TASOR: variants seen among roughly 807,000 people sequenced by gnomAD.
TASOR encodes the protein protein TASOR.
TASOR carries 53 observed loss-of-function variants against 178.6 expected under a neutral mutation model. That is an observed-to-expected ratio of 0.30 (90% CI 0.24 to 0.37). TASOR has a LOEUF of 0.37. TASOR is among the 10% of genes least tolerant of loss of function. TASOR has a pLI of 1.00. For missense variants in TASOR, 1,815 were observed against 1,971.4 expected (o/e 0.92, Z 1.50); for synonymous variants, 713 against 696.2 (o/e 1.02, Z -0.38).
Position 56,646,844 on chromosome 3 carries a change from C to T in TASOR, c.1893G>A (p.Gln631=). 6.2e-7 allele frequency: 1 copy of T among 1,607,088 alleles called. No homozygotes were observed. The highest frequency in any genetic ancestry group is 2.2e-5 in the East Asian group (1 of 44,822). Residue 631 remains glutamine, a synonymous_variant, in exon 14 of 24, where the codon CAG becomes CAA. Coordinates refer to ENST00000683822, the MANE Select transcript of TASOR (RefSeq NM_001365635.2). ...CTTCATAATCTGAAAGTGGACTAAA[C>T]TGCTGAAGTTTTCTATTTTCTTCAA... ...ELFEENRKLQ[Q]FSPLSDYEGQ...
At position 56,640,075 on chromosome 3, in the gene TASOR, A is replaced by T; in HGVS notation, c.2675T>A (p.Val892Asp). The T allele has an allele frequency of 6.2e-7, 1 of 1,613,496 alleles. No individual in the cohort carries two copies. Among genetic ancestry groups the T allele is most frequent in the Non-Finnish European group, 8.5e-7 (1 of 1,179,658 alleles). The change falls in exon 16 of 24, where the codon GTT becomes GAT. Residue 892 changes from valine (V) to aspartate (D), a missense_variant. Coordinates refer to ENST00000683822, the MANE Select transcript of TASOR (RefSeq NM_001365635.2). ...TCTACGAAATCCATGTTCAATGGGAACACTGGGACACAAACTGCAATCTTC... is the reference window on the plus strand; with the variant it reads ...TCTACGAAATCCATGTTCAATGGGATCACTGGGACACAAACTGCAATCTTC... ...NFEDCSLCPS[V>D]PIEHGFRRQQ...
intron 11 of TASOR, among the ~76,000 whole-genome samples, chr3:56,659,094 T>A (rs1450962311): frequency 1.3e-5 from 2 of 152,150 alleles, no homozygotes; most frequent in African/African-American, 4.8e-5. Context: ...AATCTGACTA[T>A]CCCATCTATA....
chr3:56,657,100 C>T (rs995017327), intron 11 of TASOR, among the ~76,000 whole-genome samples: 1 of 151,938 alleles, frequency 6.6e-6, no homozygotes, highest in Non-Finnish European at 1.5e-5. Flanking sequence ...GAGGCCAAGG[C>T]AGGCAGATCA....
intron 1 of TASOR, among the ~76,000 whole-genome samples, chr3:56,674,183 C>T (rs1388162959): frequency 7.3e-6 from 1 of 137,308 alleles, no homozygotes; most frequent in African/African-American, 2.8e-5. Flanking sequence ...CTGTTACTGA[C>T]ACACTGGTCT....
chr3:56,673,825 A>G, intron 1 of TASOR, 100 bp from the exon 2 acceptor site: 1 of 994,602 alleles, frequency 1.0e-6, no homozygotes, highest in Non-Finnish European at 1.4e-6. Flanking sequence ...AATACCATGA[A>G]AAAAGGCATC....
At position 56,641,724 on chromosome 3, in the gene TASOR, T is replaced by A. The variant is rs1242108451; in HGVS notation, c.2244A>T (p.Gly748=). The change falls in exon 15 of 24, where the codon GGA becomes GGT. Residue 748 remains glycine, a synonymous_variant. Coordinates refer to ENST00000683822, the MANE Select transcript of TASOR (RefSeq NM_001365635.2). ...GCTGCCGCCTCAAGTCAGCATCATG[T>A]CCAAGTGAGCCAATAGGCTGTGGAG... ...EESPQPIGSL[G]HDADLRRQQQ... The A allele has an allele frequency of 6.2e-7, 1 of 1,614,032 alleles. No individual in the cohort carries two copies. Among genetic ancestry groups the A allele is most frequent in the South Asian group, 1.1e-5 (1 of 91,062 alleles).
chr3:56,665,252 A>C (rs1359454485), intron 7 of TASOR, among the ~76,000 whole-genome samples: 1 of 152,196 alleles, frequency 6.6e-6, no homozygotes, highest in Non-Finnish European at 1.5e-5. Context: ...CAATGCCTTG[A>C]CTGCCCACTA....
chr3:56,651,373 C>T (rs960658161), intron 11 of TASOR, among the ~76,000 whole-genome samples: 1 of 151,938 alleles, frequency 6.6e-6, no homozygotes, highest in South Asian at 2.1e-4. Flanking sequence ...CACTCCCCCA[C>T]CCCCACAAAA....
chr3:56,664,736 A>G (rs2077670792), intron 7 of TASOR, among the ~76,000 whole-genome samples: 1 of 152,230 alleles, frequency 6.6e-6, no homozygotes, highest in Non-Finnish European at 1.5e-5. Context: ...ACATCCCTAT[A>G]AATATACTTA....
At chr3:56,647,345 C>T (rs542998176) in intron 13 of TASOR, 122 bp from the exon 14 acceptor site, 52 of 705,078 alleles carry the variant, frequency 7.4e-5, no homozygotes, top group East Asian at 1.7e-4. Context: ...TTGAACCAGA[C>T]GAGTATGTAC....
At chr3:56,628,158 T>C (rs2076837598) in intron 19 of TASOR, among the ~76,000 whole-genome samples, 2 of 152,210 alleles carry the variant, frequency 1.3e-5, no homozygotes, top group Admixed American at 1.3e-4. Flanking sequence ...AAAAGGGGAC[T>C]GGTCTGGCAA....
chr3:56,621,465 G>GT lies in TASOR; in HGVS notation c.*1571dup, dbSNP rs1228288922. 1 of 1,073,784 alleles carries GT rather than the reference G, an allele frequency of 9.3e-7. No homozygotes were observed. The highest frequency in any genetic ancestry group is 1.3e-6 in the Non-Finnish European group (1 of 743,678). The allele number at this position is 1,073,784 out of a possible 1,614,324, so 66.5% of individuals were successfully genotyped here. ...TGTTTTCCAAGTGAATATAATTCTA[G>GT]TTTAACACAACATTGCAAGTCAGGT... On this transcript the variant is annotated 3_prime_UTR_variant, in exon 24 of 24. Coordinates refer to ENST00000683822, the MANE Select transcript of TASOR (RefSeq NM_001365635.2).
Position 56,646,729 on chromosome 3 carries a change from A to T in TASOR, c.2008T>A (p.Ser670Thr). Residue 670 changes from serine (S) to threonine (T), a missense_variant, in exon 14 of 24, where the codon TCA becomes ACA. Around this residue, in one of 5 missense-constraint regions of TASOR, gnomAD observed 504 missense variants for 645.3 expected, o/e 0.78. Transcript: ENST00000683822. ...GEAIISGKQR[S>T]SHSLDYDKDR... ...TTATCATAATCCAAAGAATGAGATGATCTTTGCTTTCCAGATATAATGGCT... is the reference window on the plus strand; with the variant it reads ...TTATCATAATCCAAAGAATGAGATGTTCTTTGCTTTCCAGATATAATGGCT... The T allele has an allele frequency of 6.2e-7, 1 of 1,613,902 alleles. No homozygotes were observed. Among genetic ancestry groups the T allele is most frequent in the Non-Finnish European group, 8.5e-7 (1 of 1,179,922 alleles).
chr3:56,653,065 A>G (rs6809499), intron 11 of TASOR, among the ~76,000 whole-genome samples: 93,534 of 151,712 alleles, frequency 0.62, 31,453 homozygotes, highest in East Asian at 0.96. Context: ...AGGAGTTCAC[A>G]ACCACTGGCC....
chr3:56,634,041 G>A (rs1472818795), intron 17 of TASOR, 75 bp from the exon 18 acceptor site: 5 of 1,168,990 alleles, frequency 4.3e-6, no homozygotes, highest in African/African-American at 3.1e-5. Context: ...CTTAAATTGG[G>A]GGAAAAAAGG....
chr3:56,668,716 G>A (rs1165700327), intron 5 of TASOR, among the ~76,000 whole-genome samples, 158 bp from the exon 6 acceptor site: 1 of 152,190 alleles, frequency 6.6e-6, no homozygotes, highest in African/African-American at 2.4e-5. Context: ...ACTCAGGCCT[G>A]TAATCCCAGC....
rs1235422115 is a variant in TASOR, at chr3:56,633,529, T to C, written c.3262A>G (p.Ile1088Val). 2.5e-6 allele frequency: 4 copies of C among 1,614,040 alleles called. No individual in the cohort carries two copies. The highest frequency in any genetic ancestry group is 3.4e-6 in the Non-Finnish European group (4 of 1,180,030). Residue 1088 changes from isoleucine (I) to valine (V), a missense_variant, in exon 18 of 24, where the codon ATT becomes GTT. Ile to Val is a conservative substitution (Grantham distance 29). Transcript: ENST00000683822. ...VDGLHEKLNT[I>V]IIKASAKGGN... ...CCCTTGGCTGATGCTTTAATAATAA[T>C]AGTATTTAGCTTCTCATGCAAACCA...
rs766423875 is a variant in TASOR, at chr3:56,621,595, G to A, written c.*1442C>T. On this transcript the variant is annotated 3_prime_UTR_variant, in exon 24 of 24. Coordinates refer to ENST00000683822, the MANE Select transcript of TASOR (RefSeq NM_001365635.2). ...CCTGCCTTTAGCTGAAAATCAAGAAGAGAGTTTTGGTTCTTCATTTTAAAT... is the reference window on the plus strand; with the variant it reads ...CCTGCCTTTAGCTGAAAATCAAGAAAAGAGTTTTGGTTCTTCATTTTAAAT... 1.8e-5 allele frequency: 29 copies of A among 1,598,610 alleles called. 1 individual carries two copies. In the Admixed American group the frequency reaches 4.0e-4, roughly 22 times the overall value.
chr3:56,647,926 T>G (rs1046432195), intron 13 of TASOR, among the ~76,000 whole-genome samples: 27 of 152,178 alleles, frequency 1.8e-4, no homozygotes, highest in African/African-American at 6.5e-4. Flanking sequence ...AGACCGGGAA[T>G]AGTGGCTCAT....
Sources: allele counts gnomAD v4.1 joint callset (sites outside exome capture counted in the v4.1 genomes callset), GRCh38; gene constraint gnomAD v4.1.1; regional missense constraint gnomAD v4.1.1; transcripts MANE v1.5; gene names NCBI Gene and HGNC (gene_info 2026-07-23, HGNC 2026-07-21).